MITF: variants seen among roughly 807,000 people sequenced by gnomAD.
The protein encoded by MITF is melanocyte inducing transcription factor.
MITF carries 17 observed loss-of-function variants against 60.5 expected under a neutral mutation model. That is an observed-to-expected ratio of 0.28 (90% confidence interval 0.19 to 0.42). MITF has a LOEUF of 0.42. MITF is among the 10% of genes least tolerant of loss of function. The pLI is 1.00. For synonymous variants in MITF, 260 were observed against 248.5 expected, an observed-to-expected ratio of 1.05 and a Z score of -0.43; for missense variants, 622 against 683.5, an observed-to-expected ratio of 0.91 and a Z score of 1.00.
At chr3:69,940,622 G>A (rs2065946742) in intron 4 of MITF, among the ~76,000 whole-genome samples, 1 of 152,166 alleles carries the variant, frequency 6.6e-6, no homozygotes, top group Non-Finnish European at 1.5e-5. Flanking sequence ...ACTGTAAGAT[G>A]GGTGCAGGGA....
intron 2 of MITF, among the ~76,000 whole-genome samples, chr3:69,923,091 G>T (rs1361103491): frequency 1.3e-5 from 2 of 152,150 alleles, no homozygotes; most frequent in Non-Finnish European, 2.9e-5. Context: ...CAAATACTCA[G>T]AAGAAATAGT....
intron 1 of MITF, among the ~76,000 whole-genome samples, chr3:69,869,370 C>T (rs1470109157): frequency 6.6e-6 from 1 of 152,094 alleles, no homozygotes; most frequent in Non-Finnish European, 1.5e-5. Context: ...GCCAGTGCAG[C>T]CAGATTACAG....
At chr3:69,885,944 A>T (rs2064605758) in intron 2 of MITF, among the ~76,000 whole-genome samples, 3 of 152,240 alleles carry the variant, frequency 2.0e-5, no homozygotes, top group African/African-American at 7.2e-5. Flanking sequence ...ATTTAATGCC[A>T]CCATTGCTCT....
intron 2 of MITF, among the ~76,000 whole-genome samples, chr3:69,927,278 C>G (rs189267220): frequency 6.2e-4 from 95 of 152,096 alleles, no homozygotes; most frequent in Middle Eastern, 3.4e-3. Context: ...AACGGAAAAC[C>G]AAACACCACA....
chr3:69,816,040 T>C (rs1429547852), intron 1 of MITF, among the ~76,000 whole-genome samples: 1 of 152,194 alleles, frequency 6.6e-6, no homozygotes, highest in Non-Finnish European at 1.5e-5. Context: ...GGAACTTGAA[T>C]GTTTCCCAGC....
Position 69,966,222 on chromosome 3 carries a change from G to T in MITF, c.*974G>T, listed in dbSNP as rs2066687430. On this transcript the variant is annotated 3_prime_UTR_variant, in exon 10 of 10. Coordinates refer to ENST00000352241, the MANE Select transcript of MITF (RefSeq NM_001354604.2). ...CTTTTCAATATATTTGTATTAATTT[G>T]TAAGAATATGCATCTTAAAATGGCA... The T allele has an allele frequency of 4.3e-6, 1 of 232,222 alleles. No homozygotes were observed. The highest frequency in any genetic ancestry group is 8.5e-6 in the Non-Finnish European group (1 of 117,414). The allele number at this position is 232,222 out of a possible 1,614,324, so 14.4% of individuals were successfully genotyped here.
chr3:69,845,318 G>A (rs942513861), intron 1 of MITF, among the ~76,000 whole-genome samples: 3 of 151,552 alleles, frequency 2.0e-5, no homozygotes, highest in Admixed American at 6.6e-5. Context: ...TTTATTTTTG[G>A]CCTAGTAAAT....
Position 69,861,420 on chromosome 3 carries a change from A to G in MITF, c.105-17714A>G, listed in dbSNP as rs920209262. ...AGTTGAATTAAGTGCTATAAAAGAAAGAAGCTTGCTTCAAGAGCACAAAAC... is the reference window on the plus strand; with the variant it reads ...AGTTGAATTAAGTGCTATAAAAGAAGGAAGCTTGCTTCAAGAGCACAAAAC... On this transcript the variant is annotated intron_variant, in intron 1 of 9. Coordinates refer to ENST00000352241, the MANE Select transcript of MITF (RefSeq NM_001354604.2). Among the ~76,000 whole-genome samples the G allele has an allele frequency of 2.0e-5, 3 of 152,354 alleles. No individual in the cohort carries two copies. The South Asian group carries it at 6.2e-4, about 32-fold the overall frequency.
At chr3:69,936,283 C>T (rs1304019769) in intron 2 of MITF, among the ~76,000 whole-genome samples, 4 of 152,292 alleles carry the variant, frequency 2.6e-5, no homozygotes, top group Admixed American at 2.0e-4. Flanking sequence ...TCCAAAGGGG[C>T]ATTCTGCTAT....
At chr3:69,798,873 T>C (rs767456216) in intron 1 of MITF, among the ~76,000 whole-genome samples, 4 of 152,236 alleles carry the variant, frequency 2.6e-5, no homozygotes, top group Non-Finnish European at 5.9e-5. Context: ...ACTCATCCCC[T>C]TGTTAATACA....
At chr3:69,916,726 T>C (rs1427472653) in intron 2 of MITF, among the ~76,000 whole-genome samples, 1 of 152,186 alleles carries the variant, frequency 6.6e-6, no homozygotes, top group Non-Finnish European at 1.5e-5. Context: ...ATATGACTGT[T>C]AACACTGACC....
At chr3:69,944,900 T>C (rs1169228546) in intron 5 of MITF, among the ~76,000 whole-genome samples, 2 of 152,178 alleles carry the variant, frequency 1.3e-5, no homozygotes, top group African/African-American at 4.8e-5. Context: ...ATTTTAATTT[T>C]TTCCCACAGT....
intron 2 of MITF, among the ~76,000 whole-genome samples, chr3:69,902,800 G>T (rs1414073206): frequency 1.3e-5 from 2 of 151,562 alleles, no homozygotes; most frequent in Admixed American, 6.6e-5. Context: ...CTTGGTTATT[G>T]TTAGCCCATG....
intron 1 of MITF, among the ~76,000 whole-genome samples, chr3:69,877,421 G>T (rs986115205): frequency 6.7e-6 from 1 of 149,272 alleles, no homozygotes. Context: ...TTATTCTTAT[G>T]CTTTTTGTTG....
chr3:69,860,622 AT>A (rs1277007320), intron 1 of MITF, among the ~76,000 whole-genome samples: 14 of 151,322 alleles, frequency 9.3e-5, no homozygotes, highest in African/African-American at 2.7e-4. Context: ...AAAAAAAAAA[AT>A]TCACTTTAGA....
chr3:69,934,500 C>T (rs183477751), intron 2 of MITF, among the ~76,000 whole-genome samples: 11 of 152,208 alleles, frequency 7.2e-5, no homozygotes, highest in East Asian at 1.9e-4. Flanking sequence ...GTGCTAAGGC[C>T]GTTAGAAACA....
At chr3:69,915,116 A>T (rs1243724875) in intron 2 of MITF, among the ~76,000 whole-genome samples, 1 of 152,218 alleles carries the variant, frequency 6.6e-6, no homozygotes, top group African/African-American at 2.4e-5. Context: ...ATCACTGTGC[A>T]ATACTACGTA....
At chr3:69,753,643 C>G (rs1378630207) in intron 1 of MITF, among the ~76,000 whole-genome samples, 1 of 152,234 alleles carries the variant, frequency 6.6e-6, no homozygotes, top group African/African-American at 2.4e-5. Context: ...GATTGCACTT[C>G]TTGCACTAGT....
At chr3:69,811,394 C>T (rs1391479614) in intron 1 of MITF, among the ~76,000 whole-genome samples, 1 of 152,174 alleles carries the variant, frequency 6.6e-6, no homozygotes, top group Non-Finnish European at 1.5e-5. Flanking sequence ...GGACTGTAGG[C>T]ATGACTGCCA....
Sources: gnomAD v4.1 joint callset for allele counts (sites outside exome capture counted in the v4.1 genomes callset) on GRCh38, gnomAD v4.1.1 for gene constraint, MANE v1.5 for transcripts, NCBI Gene and HGNC (gene_info 2026-07-23, HGNC 2026-07-21) for gene names.